GPC5: variants seen among roughly 807,000 people sequenced by gnomAD.
The protein encoded by GPC5 is glypican 5, also known as glypican-5.
Under a neutral mutation model 53.9 loss-of-function variants are expected in GPC5, and 47 were observed. The observed-to-expected ratio is 0.87, with a 90% CI of 0.69 to 1.11. The LOEUF is 1.11. GPC5 is among the 50% of genes most tolerant of loss of function. GPC5 has a pLI of 0.00. For missense variants in GPC5, 748 were observed against 713.1 expected, an observed-to-expected ratio of 1.05 and a Z score of -0.56; for synonymous variants, 286 against 263.3, an observed-to-expected ratio of 1.09 and a Z score of -0.84.
At chr13:91,424,427 C>T (rs538314099) in intron 1 of GPC5, among the ~76,000 whole-genome samples, 14 of 147,680 alleles carry the variant, frequency 9.5e-5, no homozygotes, top group South Asian at 6.5e-4. Flanking sequence ...TGCAATGGCG[C>T]GATCTCGGCT....
chr13:92,356,454 G>A (rs1352571792), intron 7 of GPC5, among the ~76,000 whole-genome samples: 1 of 152,192 alleles, frequency 6.6e-6, no homozygotes, highest in Admixed American at 6.5e-5. Context: ...CAGTTAAGAA[G>A]TTATTTACAT....
intron 5 of GPC5, among the ~76,000 whole-genome samples, chr13:91,871,980 G>T (rs1236335326): frequency 6.6e-6 from 1 of 152,072 alleles, no homozygotes; most frequent in African/African-American, 2.4e-5. Context: ...AAGATGAAAA[G>T]AAATGACAGT....
At chr13:92,526,984 T>C (rs966867113) in intron 7 of GPC5, among the ~76,000 whole-genome samples, 1 of 151,206 alleles carries the variant, frequency 6.6e-6, no homozygotes, top group Non-Finnish European at 1.5e-5. Context: ...CACTCATGCT[T>C]GCTAAATTTA....
chr13:91,847,405 A>T (rs2038863794), intron 5 of GPC5, among the ~76,000 whole-genome samples: 1 of 152,008 alleles, frequency 6.6e-6, no homozygotes, highest in African/African-American at 2.4e-5. Flanking sequence ...AAGAAAAATT[A>T]TGGGCTTTAC....
chr13:91,435,626 G>A (rs1312957639), intron 1 of GPC5, among the ~76,000 whole-genome samples: 2 of 152,162 alleles, frequency 1.3e-5, no homozygotes, highest in South Asian at 2.1e-4. Flanking sequence ...ATGTTCATCA[G>A]GGATATTGGT....
intron 5 of GPC5, among the ~76,000 whole-genome samples, chr13:91,794,263 G>A (rs964554590): frequency 3.3e-5 from 5 of 152,240 alleles, no homozygotes; most frequent in African/African-American, 9.6e-5. Context: ...AGACAGTAGA[G>A]GGCTGATTTC....
At chr13:92,758,266 G>T (rs1467786343) in intron 7 of GPC5, among the ~76,000 whole-genome samples, 1 of 149,768 alleles carries the variant, frequency 6.7e-6, no homozygotes, top group East Asian at 2.0e-4. Context: ...CTCATTCATA[G>T]GTGGGAATTG....
chr13:92,336,767 A>G (rs2043326544), intron 7 of GPC5, among the ~76,000 whole-genome samples: 1 of 152,166 alleles, frequency 6.6e-6, no homozygotes, highest in Admixed American at 6.5e-5. Flanking sequence ...CCAAAAATGA[A>G]CATTAAGTAA....
intron 7 of GPC5, among the ~76,000 whole-genome samples, chr13:92,366,797 T>C (rs1429569330): frequency 2.0e-5 from 3 of 152,222 alleles, no homozygotes; most frequent in Admixed American, 6.5e-5. Context: ...CATTTTTTGA[T>C]TGAAACTCTG....
At chr13:91,742,190 G>T (rs1342639325) in intron 4 of GPC5, among the ~76,000 whole-genome samples, 2 of 152,028 alleles carry the variant, frequency 1.3e-5, no homozygotes, top group Non-Finnish European at 2.9e-5. Flanking sequence ...ACCTGCAGGG[G>T]GTCAAACTAC....
chr13:92,480,322 G>A (rs1879300609), intron 7 of GPC5, among the ~76,000 whole-genome samples: 1 of 152,048 alleles, frequency 6.6e-6, no homozygotes, highest in African/African-American at 2.4e-5. Context: ...CACATAAAGT[G>A]CAGTATAATG....
chr13:91,503,850 C>T (rs1725130129), intron 2 of GPC5, among the ~76,000 whole-genome samples: 2 of 149,186 alleles, frequency 1.3e-5, no homozygotes, highest in Admixed American at 6.7e-5. Flanking sequence ...GGGAAACAGG[C>T]TTCCCAAGTA....
chr13:91,897,599 G>C (rs1008699005), intron 5 of GPC5, among the ~76,000 whole-genome samples: 6 of 152,072 alleles, frequency 3.9e-5, no homozygotes, highest in Admixed American at 2.6e-4. Context: ...CCAATTCATA[G>C]AGCGTTGGTG....
intron 5 of GPC5, among the ~76,000 whole-genome samples, chr13:91,858,074 T>C (rs1001854161): frequency 2.0e-5 from 3 of 151,770 alleles, no homozygotes; most frequent in Admixed American, 1.3e-4. Flanking sequence ...TTATTGTTTT[T>C]AGTAATATAT....
intron 7 of GPC5, chr13:92,701,658 G>A (rs1887746038): frequency 6.6e-6 from 1 of 152,074 alleles, no homozygotes; most frequent in South Asian, 2.1e-4. Context: ...CTGTAAGAAA[G>A]GAAGAAGAAA....
chr13:91,658,151 G>GA (rs1330938565), intron 2 of GPC5, among the ~76,000 whole-genome samples: 7 of 151,926 alleles, frequency 4.6e-5, no homozygotes, highest in Non-Finnish European at 7.4e-5. Flanking sequence ...CATTGAAAGG[G>GA]AAAAAAATCA....
At chr13:92,851,387 G>A (rs1418025337) in intron 7 of GPC5, among the ~76,000 whole-genome samples, 1 of 152,124 alleles carries the variant, frequency 6.6e-6, no homozygotes, top group South Asian at 2.1e-4. Context: ...TTGCTCTCAG[G>A]CAAGACGCTG....
At chr13:92,147,929 T>C (rs2041880392) in intron 7 of GPC5, among the ~76,000 whole-genome samples, 1 of 152,090 alleles carries the variant, frequency 6.6e-6, no homozygotes, top group African/African-American at 2.4e-5. Flanking sequence ...TTTGAATATA[T>C]TGGTAAAGCA....
intron 7 of GPC5, among the ~76,000 whole-genome samples, chr13:92,245,941 A>G (rs965316444): frequency 6.6e-6 from 1 of 152,064 alleles, no homozygotes; most frequent in Non-Finnish European, 1.5e-5. Flanking sequence ...TCTTATGAAT[A>G]GGGTGGGCCC....
Sources: allele counts gnomAD v4.1 joint callset (sites outside exome capture counted in the v4.1 genomes callset), GRCh38; gene constraint gnomAD v4.1.1; transcripts MANE v1.5; gene names NCBI Gene and HGNC (gene_info 2026-07-23, HGNC 2026-07-21).